Variants in BLTP3A observed in about 807,000 individuals in gnomAD.
BLTP3A encodes bridge-like lipid transfer protein family member 3A.
chr6:34,823,440 T>C, the BLTP3A span: 1 of 1,065,008 alleles, frequency 9.4e-7, no homozygotes, highest in Non-Finnish European at 1.4e-6. Flanking sequence ...TATGGACATT[T>C]TCAAACTTAC....
At chr6:34,835,864 G>A in the BLTP3A span, among the ~76,000 whole-genome samples, 1 of 152,216 alleles carries the variant, frequency 6.6e-6, no homozygotes, top group African/African-American at 2.4e-5. Flanking sequence ...AGACGTCCTA[G>A]AGGAAATGTT....
the BLTP3A span, among the ~76,000 whole-genome samples, chr6:34,840,586 TAAA>T: frequency 6.6e-6 from 1 of 150,848 alleles, no homozygotes; most frequent in East Asian, 2.0e-4. Context: ...ATAAATAAAA[TAAA>T]AATAAATACA....
At chr6:34,853,095 C>T in the BLTP3A span, among the ~76,000 whole-genome samples, 1 of 152,216 alleles carries the variant, frequency 6.6e-6, no homozygotes, top group African/African-American at 2.4e-5. Flanking sequence ...TTTGGTGCAT[C>T]TTTACTTAAT....
chr6:34,872,239 C>T, the BLTP3A span: 2 of 1,520,216 alleles, frequency 1.3e-6, no homozygotes, highest in Non-Finnish European at 1.8e-6. Context: ...ACTCTTCCTC[C>T]CTGTTCCCTT....
the BLTP3A span, chr6:34,855,854 C>T: frequency 7.6e-6 from 11 of 1,455,286 alleles, no homozygotes; most frequent in Middle Eastern, 2.6e-4. Flanking sequence ...TTCAAGAGGA[C>T]GTCTGGAAAC....
the BLTP3A span, chr6:34,867,516 A>T: frequency 1.2e-6 from 2 of 1,614,162 alleles, no homozygotes; most frequent in Non-Finnish European, 1.7e-6. Flanking sequence ...GGATTGAGGT[A>T]CGTGGTGAGG....
chr6:34,857,625 G>A, the BLTP3A span: 28 of 1,451,928 alleles, frequency 1.9e-5, no homozygotes, highest in Non-Finnish European at 2.5e-5. Context: ...CTGTATAAAT[G>A]TGTACCTTTG....
At chr6:34,871,040 C>T in the BLTP3A span, 2 of 1,614,124 alleles carry the variant, frequency 1.2e-6, no homozygotes, top group Non-Finnish European at 1.7e-6. Flanking sequence ...GGCCTGGGGC[C>T]CTTCTTGGAG....
the BLTP3A span, among the ~76,000 whole-genome samples, chr6:34,817,340 C>T: frequency 1.3e-5 from 2 of 152,086 alleles, no homozygotes; most frequent in Admixed American, 1.3e-4. Context: ...CTTTTTGGTT[C>T]AGAGAATAAA....
At chr6:34,851,968 T>A in the BLTP3A span, among the ~76,000 whole-genome samples, 1 of 152,166 alleles carries the variant, frequency 6.6e-6, no homozygotes, top group South Asian at 2.1e-4. Context: ...CAAGAGCTCT[T>A]CAGTCAGCTT....
the BLTP3A span, among the ~76,000 whole-genome samples, chr6:34,805,247 C>T: frequency 2.6e-5 from 4 of 151,876 alleles, no homozygotes; most frequent in East Asian, 7.7e-4. Flanking sequence ...TGCCACTACA[C>T]TTCAGCCTGG....
chr6:34,847,449 C>A, the BLTP3A span, among the ~76,000 whole-genome samples: 3 of 151,874 alleles, frequency 2.0e-5, no homozygotes, highest in East Asian at 5.8e-4. Context: ...CTTTTCTTTG[C>A]TGGGAGACTT....
chr6:34,863,877 G>C, the BLTP3A span: 2 of 884,714 alleles, frequency 2.3e-6, no homozygotes, highest in Non-Finnish European at 3.3e-6. Context: ...TGTCAAAGTT[G>C]TATGTTCCTA....
At chr6:34,821,437 TTTG>T in the BLTP3A span, 1 of 508,416 alleles carries the variant, frequency 2.0e-6, no homozygotes, top group Non-Finnish European at 3.5e-6. Flanking sequence ...TCTGAGTGCA[TTTG>T]TTCTGGCTGG....
the BLTP3A span, among the ~76,000 whole-genome samples, chr6:34,824,918 G>A: frequency 3.5e-4 from 53 of 152,032 alleles, no homozygotes; most frequent in African/African-American, 1.2e-3. Context: ...TGATCCACCC[G>A]CCTCAGCCTC....
the BLTP3A span, chr6:34,856,730 T>C: frequency 6.3e-7 from 1 of 1,575,102 alleles, no homozygotes; most frequent in Non-Finnish European, 8.7e-7. Context: ...ACTTTCCTTA[T>C]TCTATTAGTA....
chr6:34,834,578 C>A, the BLTP3A span: 44 of 1,342,820 alleles, frequency 3.3e-5, no homozygotes, highest in African/African-American at 6.3e-4. Context: ...AATTATGGAT[C>A]CCCAATTCAC....
At chr6:34,792,873 G>T in the BLTP3A span, among the ~76,000 whole-genome samples, 1 of 152,148 alleles carries the variant, frequency 6.6e-6, no homozygotes, top group Non-Finnish European at 1.5e-5. Flanking sequence ...TTTCCCAGGA[G>T]CTCCCACCTC....
chr6:34,807,628 T>C, the BLTP3A span, among the ~76,000 whole-genome samples: 1 of 152,340 alleles, frequency 6.6e-6, no homozygotes, highest in African/African-American at 2.4e-5. Flanking sequence ...ATGAGAGTGC[T>C]GCAAGTCATG....
Sources: allele counts gnomAD v4.1 joint callset (sites outside exome capture counted in the v4.1 genomes callset), GRCh38; gene constraint gnomAD v4.1.1; transcripts MANE v1.5; gene names NCBI Gene and HGNC (gene_info 2026-07-23, HGNC 2026-07-21).